The following CTPS2 variants were observed in gnomAD, a reference collection of about 807,000 sequenced individuals.
CTPS2 encodes the protein CTP synthase II.
Under a neutral mutation model 46.8 loss-of-function variants are expected in CTPS2, and 19 were observed. The observed-to-expected ratio is 0.41, with a 90% CI of 0.28 to 0.60. The LOEUF is 0.60. CTPS2 is among the 20% of genes least tolerant of loss of function. CTPS2 has a pLI of 0.35. For synonymous variants in CTPS2, 151 were observed against 165.2 expected (o/e 0.91, Z 0.66); for missense variants, 286 against 447.6 (o/e 0.64, Z 3.26).
intron 18 of CTPS2, among the ~76,000 whole-genome samples, chrX:16,590,006 A>T (rs994457640): frequency 2.7e-5 from 3 of 111,780 alleles, no homozygotes; most frequent in Non-Finnish European, 3.8e-5. Context: ...TCTGCTAAAG[A>T]ACAGCTTATA....
At chrX:16,600,684 G>A (rs775361521) in intron 17 of CTPS2, among the ~76,000 whole-genome samples, 2 of 111,580 alleles carry the variant, frequency 1.8e-5, no homozygotes, top group Admixed American at 9.5e-5. Flanking sequence ...CCACCCCAAG[G>A]GAAGGTGTAC....
intron 1 of CTPS2, among the ~76,000 whole-genome samples, chrX:16,707,865 T>G (rs6632866): frequency 2.8e-5 from 3 of 109,032 alleles, no homozygotes; most frequent in Non-Finnish European, 5.7e-5. Flanking sequence ...CCCAGCTACA[T>G]GAGCTGCATG....
chrX:16,669,823 GCCT>G (rs1376366405), intron 11 of CTPS2, among the ~76,000 whole-genome samples: 2 of 110,528 alleles, frequency 1.8e-5, no homozygotes, highest in Non-Finnish European at 3.8e-5. Flanking sequence ...TCCCCCTCCT[GCCT>G]GAGTCCCCAG....
At chrX:16,597,868 A>C (rs1292620821) in intron 17 of CTPS2, among the ~76,000 whole-genome samples, 13 of 108,059 alleles carry the variant, frequency 1.2e-4, no homozygotes, top group Non-Finnish European at 1.7e-4. Context: ...CTTTTATTTC[A>C]TTGAGCAGTG....
At chrX:16,687,304 G>A (rs554266849) in intron 8 of CTPS2, among the ~76,000 whole-genome samples, 11 of 108,894 alleles carry the variant, frequency 1.0e-4, no homozygotes, top group Admixed American at 3.0e-4. Flanking sequence ...GCAAAACCCC[G>A]TCTCTACTAA....
chrX:16,655,206 C>T (rs1370668651), intron 13 of CTPS2, among the ~76,000 whole-genome samples: 1 of 112,120 alleles, frequency 8.9e-6, no homozygotes, highest in Non-Finnish European at 1.9e-5. Flanking sequence ...AATGAATGAC[C>T]CTCGACGGGG....
intron 13 of CTPS2, among the ~76,000 whole-genome samples, chrX:16,644,675 C>T (rs749205517): frequency 8.9e-6 from 1 of 112,190 alleles, no homozygotes; most frequent in South Asian, 3.7e-4. Flanking sequence ...TTCTCTCGTA[C>T]ACCCTCCAGA....
At chrX:16,630,249 GTAT>G (rs1439083950) in intron 14 of CTPS2, among the ~76,000 whole-genome samples, 1 of 90,648 alleles carries the variant, frequency 1.1e-5, no homozygotes, top group Non-Finnish European at 2.2e-5. Context: ...TTGTTGTGTT[GTAT>G]TTTTTTTTTT....
rs773048687 is a variant in CTPS2 at position 16,649,961 on chromosome X, ACT to A, written c.1297-10720_1297-10719del. 7.2e-5 allele frequency among the ~76,000 whole-genome samples: 8 copies of A among 111,648 alleles called. 1 individual carries two copies. Among genetic ancestry groups the A allele is most frequent in the Admixed American group, 2.9e-4 (3 of 10,460 alleles). ...AGGGGGAAAAAAATCCAAGCTTACGACTCTGAACCATGAAGCAACTGTCGAGA... is the reference window on the plus strand; with the variant it reads ...AGGGGGAAAAAAATCCAAGCTTACGACTGAACCATGAAGCAACTGTCGAGA... On this transcript the variant is annotated intron_variant, in intron 13 of 18. Transcript: ENST00000359276.
At position 16,694,631 on chromosome X, in the gene CTPS2, G is replaced by C. The variant is rs142145208; in HGVS notation, c.439-1144C>G. On this transcript the variant is annotated intron_variant, in intron 4 of 18. Coordinates refer to ENST00000359276, the MANE Select transcript of CTPS2 (RefSeq NM_175859.3). ...GAGGTTTAGTTTAGTAGTCGGGCCA[G>C]GACAGAAAGGTCCTGAAATTCAATA... Among the ~76,000 whole-genome samples the C allele has an allele frequency of 7.6e-3, 856 of 112,645 alleles. 6 individuals carry two copies. The highest frequency in any genetic ancestry group is 0.026 in the African/African-American group (810 of 31,100).
chrX:16,673,132 C>T (rs946631885), intron 10 of CTPS2, among the ~76,000 whole-genome samples: 3 of 109,190 alleles, frequency 2.7e-5, no homozygotes, highest in African/African-American at 1.0e-4. Flanking sequence ...GTGATCCGCC[C>T]GCCTCGGCCT....
chrX:16,639,829 G>GAAAGA (rs1555961937), intron 13 of CTPS2, among the ~76,000 whole-genome samples: 9 of 102,924 alleles, frequency 8.7e-5, no homozygotes, highest in East Asian at 6.3e-4. Context: ...AAGAAAGAAA[G>GAAAGA]AAGAAAAGAA....
intron 17 of CTPS2, among the ~76,000 whole-genome samples, chrX:16,595,178 C>G (rs1929164135): frequency 9.0e-6 from 1 of 111,719 alleles, no homozygotes; most frequent in Non-Finnish European, 1.9e-5. Flanking sequence ...CACACACACA[C>G]ACACACACAC....
intron 14 of CTPS2, among the ~76,000 whole-genome samples, chrX:16,634,213 C>T (rs1473204722): frequency 1.8e-5 from 2 of 111,779 alleles, no homozygotes; most frequent in Non-Finnish European, 3.8e-5. Flanking sequence ...ATAGATAATA[C>T]AGTTTAGAAA....
chrX:16,683,247 A>C, intron 8 of CTPS2, 21 bp from the exon 9 acceptor site: 1 of 1,203,808 alleles, frequency 8.3e-7, no homozygotes. Context: ...AAACAAACTC[A>C]AAGGTTATAT....
intron 13 of CTPS2, among the ~76,000 whole-genome samples, chrX:16,664,479 C>T (rs959087085): frequency 2.7e-5 from 3 of 111,320 alleles, no homozygotes; most frequent in Admixed American, 9.6e-5. Context: ...TATGTGCTTC[C>T]GTGGGGTGAT....
chrX:16,702,296 C>T (rs1017362332), intron 2 of CTPS2, among the ~76,000 whole-genome samples: 3 of 111,940 alleles, frequency 2.7e-5, no homozygotes, highest in African/African-American at 3.2e-5. Flanking sequence ...CCTCGTGATC[C>T]ACCTGCCTCG....
At chrX:16,611,974 G>GA (rs768377693) in intron 16 of CTPS2, among the ~76,000 whole-genome samples, 52 of 110,724 alleles carry the variant, frequency 4.7e-4, no homozygotes, top group African/African-American at 1.4e-3. Context: ...GGACATCTTT[G>GA]AAAAAAAAGC....
intron 13 of CTPS2, among the ~76,000 whole-genome samples, chrX:16,646,184 T>C (rs960516190): frequency 4.4e-5 from 5 of 112,481 alleles, no homozygotes; most frequent in Non-Finnish European, 7.5e-5. Context: ...AATGTTAACA[T>C]ACAATGGTTG....
Sources: gnomAD v4.1 joint callset for allele counts (sites outside exome capture counted in the v4.1 genomes callset) on GRCh38, gnomAD v4.1.1 for gene constraint, MANE v1.5 for transcripts, NCBI Gene and HGNC (gene_info 2026-07-23, HGNC 2026-07-21) for gene names.